The following PIP4K2C variants were observed in gnomAD, a reference collection of about 807,000 sequenced individuals.
PIP4K2C encodes phosphatidylinositol 5-phosphate 4-kinase type-2 gamma.
In PIP4K2C, 21 loss-of-function variants were observed where a neutral mutation model predicts 45.0. The ratio of observed to expected loss-of-function variants is 0.47; its 90% CI spans 0.33 to 0.67. The LOEUF (loss-of-function observed/expected upper bound fraction) is 0.67, where lower values mean the gene tolerates loss of function less well. Ranked by LOEUF, PIP4K2C falls within the 30% of genes least tolerant of loss-of-function variation. PIP4K2C has a pLI of 0.02. For synonymous variants in PIP4K2C, 201 were observed against 204.8 expected (o/e 0.98, Z 0.16); for missense variants, 456 against 542.8 (o/e 0.84, Z 1.59).
Position 57,594,118 on chromosome 12 carries a change from C to T in PIP4K2C, c.268C>T (p.His90Tyr). Residue 90 changes from histidine (H) to tyrosine (Y), a missense_variant, in exon 2 of 10, where the codon CAC becomes TAC. By Grantham distance (83) the His-to-Tyr change is moderately conservative. Coordinates refer to ENST00000354947, the MANE Select transcript of PIP4K2C (RefSeq NM_024779.5). ...GATCAAGGTCAACAATCACCTTTTC[C>T]ACAGGTAAGTGATGATCCTTGCCAT... ...SKIKVNNHLF[H>Y]RENLPSHFKF... 1 of 1,612,128 alleles carries T rather than the reference C, an allele frequency of 6.2e-7. No homozygotes were observed. Among genetic ancestry groups the T allele is most frequent in the Non-Finnish European group, 8.5e-7 (1 of 1,178,564 alleles).
At position 57,595,908 on chromosome 12, in the gene PIP4K2C, C is replaced by G. The variant is rs1274350002; in HGVS notation, c.390C>G (p.Pro130=). The change falls in exon 4 of 10, where the codon CCC becomes CCG. Residue 130 remains proline, a synonymous_variant. Transcript: ENST00000354947. ...CCCAGGTGTCCCTTACCCGAAACCC[C>G]CCCAGCGAAAGTGAAGGCAGTGATG... ...QDYLVSLTRN[P]PSESEGSDGR... The G allele has an allele frequency of 1.2e-6, 2 of 1,614,070 alleles. No individual in the cohort carries two copies. Among genetic ancestry groups the G allele is most frequent in the Admixed American group, 1.7e-5 (1 of 60,006 alleles).
rs1883406262 is a variant in PIP4K2C at position 57,600,943 on chromosome 12, A to C, written c.946A>C (p.Thr316Pro). The change falls in exon 8 of 10, where the codon ACT (threonine) becomes CCT (proline). Residue 316 changes from threonine (T) to proline (P), a missense_variant. Coordinates refer to ENST00000354947, the MANE Select transcript of PIP4K2C (RefSeq NM_024779.5). ...AGAGGTGGATGGGGACTGCAGCCTGACTGGACCTCCTGCTCTGGTGGGCTC... is the reference window on the plus strand; with the variant it reads ...AGAGGTGGATGGGGACTGCAGCCTGCCTGGACCTCCTGCTCTGGTGGGCTC... ...ESEVDGDCSL[T>P]GPPALVGSYG... 5.6e-6 allele frequency: 9 copies of C among 1,614,188 alleles called. No homozygotes were observed. The highest frequency in any genetic ancestry group is 7.6e-6 in the Non-Finnish European group (9 of 1,180,052).
chr12:57,601,304 G>A lies in PIP4K2C; in HGVS notation c.1141G>A (p.Ala381Thr), dbSNP rs751845732. 1 of 1,614,080 alleles carries A rather than the reference G, an allele frequency of 6.2e-7. No individual in the cohort carries two copies. Among genetic ancestry groups the A allele is most frequent in the Admixed American group, 1.7e-5 (1 of 60,024 alleles). The change falls in exon 9 of 10, where the codon GCT (alanine) becomes ACT (threonine). Residue 381 changes from alanine (A) to threonine (T), a missense_variant. Ala to Thr is a moderately conservative substitution (Grantham distance 58, BLOSUM62 0). Around this residue, in one of 2 missense-constraint regions of PIP4K2C, gnomAD observed 35 missense variants for 69.7 expected, o/e 0.50. Coordinates refer to ENST00000354947, the MANE Select transcript of PIP4K2C (RefSeq NM_024779.5). ...GLIDILTQYD[A>T]KKKAAHAAKT... The stretch of plus-strand genomic sequence containing the variant: ...CATTGATATCCTTACACAGTATGAT[G>A]CTAAGAAGAAAGCAGCTCATGCAGC...
In PIP4K2C at chr12:57,601,288, C is replaced by T; in HGVS notation, c.1125C>T (p.Ile375=). ...TCTACTTCATGGGCCTCATTGATAT[C>T]CTTACACAGTATGATGCTAAGAAGA... ...KEVYFMGLID[I]LTQYDAKKKA... is the part of the protein sequence containing the mutation. The change falls in exon 9 of 10, where the codon ATC becomes ATT. Residue 375 remains isoleucine (I), a synonymous_variant. Coordinates refer to ENST00000354947, the MANE Select transcript of PIP4K2C (RefSeq NM_024779.5). 6.2e-7 allele frequency: 1 copy of T among 1,614,120 alleles called. No individual in the cohort carries two copies. The highest frequency in any genetic ancestry group is 8.5e-7 in the Non-Finnish European group (1 of 1,179,968).
intron 7 of PIP4K2C, 106 bp from the exon 8 acceptor site, chr12:57,600,705 C>A: frequency 7.0e-7 from 1 of 1,428,628 alleles, no homozygotes; most frequent in Non-Finnish European, 9.6e-7. Flanking sequence ...AATTTTTATA[C>A]TTCCTTTCCC....
chr12:57,600,218 T>G, intron 6 of PIP4K2C, 106 bp from the exon 7 acceptor site: 1 of 626,222 alleles, frequency 1.6e-6, no homozygotes, highest in Non-Finnish European at 2.8e-6. Flanking sequence ...CAGTGTGGAG[T>G]TAGATGAGAT....
chr12:57,594,185 A>G (rs1883094786), intron 2 of PIP4K2C, 63 bp downstream of exon 2: 2 of 1,365,252 alleles, frequency 1.5e-6, no homozygotes, highest in South Asian at 2.7e-5. Context: ...AAATAATTTT[A>G]AAAGTTTCAG....
At chr12:57,592,253 C>T (rs1007494786) in intron 1 of PIP4K2C, among the ~76,000 whole-genome samples, 1 of 152,096 alleles carries the variant, frequency 6.6e-6, no homozygotes, top group African/African-American at 2.4e-5. Flanking sequence ...CCAAGGAGAC[C>T]TCCATCCCCT....
rs150846157 is a variant in PIP4K2C, at chr12:57,596,725, G to A, written c.513+694G>A. On this transcript the variant is annotated intron_variant, in intron 4 of 9. Coordinates refer to ENST00000354947, the MANE Select transcript of PIP4K2C (RefSeq NM_024779.5). Reference sequence around the variant, plus strand: ...GTAGGAGGTAAATGAAACATCTGTGGCCCTTACAGATCCCTTGGTCTGATG... The same window carrying A: ...GTAGGAGGTAAATGAAACATCTGTGACCCTTACAGATCCCTTGGTCTGATG... 1.0e-3 allele frequency among the ~76,000 whole-genome samples: 159 copies of A among 152,260 alleles called. 1 individual carries two copies. Among genetic ancestry groups the A allele is most frequent in the African/African-American group, 3.7e-3 (154 of 41,538 alleles).
chr12:57,599,274 C>T (rs1184387179), intron 5 of PIP4K2C, 63 bp downstream of exon 5: 32 of 1,604,514 alleles, frequency 2.0e-5, no homozygotes, highest in Non-Finnish European at 2.6e-5. Context: ...GGGGAAGACC[C>T]TGGGAGGTCT....
chr12:57,594,078 T>A lies in PIP4K2C; in HGVS notation c.228T>A (p.Phe76Leu). ...CGGTGATGCTGCTGCCAGATGACTT[T>A]AAGGCCAGCTCCAAGATCAAGGTCA... ...PPPVMLLPDD[F>L]KASSKIKVNN... The change falls in exon 2 of 10, where the codon TTT (phenylalanine) becomes TTA (leucine). Residue 76 changes from phenylalanine to leucine, a missense_variant. Phe to Leu is a conservative substitution (Grantham distance 22). This residue lies in a region of PIP4K2C where 421 missense variants were observed against 473.1 expected (regional missense o/e 0.89). Transcript: ENST00000354947. The A allele has an allele frequency of 6.2e-7, 1 of 1,614,094 alleles. No homozygotes were observed. Among genetic ancestry groups the A allele is most frequent in the Non-Finnish European group, 8.5e-7 (1 of 1,179,992 alleles).
rs770561724 is a variant in PIP4K2C at position 57,600,936 on chromosome 12, C to T, written c.939C>T (p.Cys313=). ...REDESEVDGD[C]SLTGPPALVG... Reference sequence around the variant, plus strand: ...ATGAGTCAGAGGTGGATGGGGACTGCAGCCTGACTGGACCTCCTGCTCTGG... The same window carrying T: ...ATGAGTCAGAGGTGGATGGGGACTGTAGCCTGACTGGACCTCCTGCTCTGG... The change falls in exon 8 of 10, where the codon TGC becomes TGT. Residue 313 remains cysteine, a synonymous_variant. Transcript: ENST00000354947. 4 of 1,614,068 alleles carry T rather than the reference C, an allele frequency of 2.5e-6. No homozygotes were observed. The highest frequency in any genetic ancestry group is 3.3e-5 in the Admixed American group (2 of 60,008).
At chr12:57,594,242 T>G in intron 2 of PIP4K2C, 120 bp downstream of exon 2, 1 of 779,800 alleles carries the variant, frequency 1.3e-6, no homozygotes, top group Non-Finnish European at 2.0e-6. Context: ...ATTAGTTTTG[T>G]GCAAGGAAAC....
Position 57,601,072 on chromosome 12 carries a change from G to A in PIP4K2C, c.1075G>A (p.Ala359Thr). The A allele has an allele frequency of 1.2e-6, 2 of 1,612,814 alleles. No homozygotes were observed. Among genetic ancestry groups the A allele is most frequent in the Non-Finnish European group, 1.7e-6 (2 of 1,179,514 alleles). ...SFIDVYAIRS[A>T]EGAPQKEVYF... Reference sequence around the variant, plus strand: ...CATTGATGTCTATGCCATCCGGAGTGCTGAAGGTGAGAGAACCGGGACAAT... The same window carrying A: ...CATTGATGTCTATGCCATCCGGAGTACTGAAGGTGAGAGAACCGGGACAAT... Residue 359 changes from alanine (A) to threonine (T), a missense_variant, in exon 8 of 10, where the codon GCT becomes ACT. Physicochemically the swap from Ala to Thr is moderately conservative, Grantham distance 58. Transcript: ENST00000354947.
At chr12:57,595,516 C>G (rs934938200) in intron 3 of PIP4K2C, among the ~76,000 whole-genome samples, 1 of 152,068 alleles carries the variant, frequency 6.6e-6, no homozygotes, top group African/African-American at 2.4e-5. Context: ...ACCATCCTGG[C>G]CAACATGGCA....
Position 57,592,225 on chromosome 12 carries a change from C to G in PIP4K2C, c.174+762C>G, listed in dbSNP as rs58060255. On this transcript the variant is annotated intron_variant, in intron 1 of 9. Transcript: ENST00000354947. ...TGAACTTTTGAAGCAGGAAACTGCT[C>G]TGGGAGTCAGGAGGAGGCCAAGGAG... Among the ~76,000 whole-genome samples the G allele has an allele frequency of 4.9e-3, 753 of 152,304 alleles. 7 individuals are homozygous for G. The highest frequency in any genetic ancestry group is 0.017 in the African/African-American group (711 of 41,560).
At chr12:57,599,617 G>A (rs1316653459) in intron 6 of PIP4K2C, among the ~76,000 whole-genome samples, 179 bp downstream of exon 6, 1 of 152,122 alleles carries the variant, frequency 6.6e-6, no homozygotes, top group African/African-American at 2.4e-5. Flanking sequence ...GTTTGGAAGG[G>A]GCAGTGGGAG....
intron 1 of PIP4K2C, among the ~76,000 whole-genome samples, chr12:57,592,446 A>G (rs1379190454): frequency 6.6e-6 from 1 of 152,220 alleles, no homozygotes; most frequent in Non-Finnish European, 1.5e-5. Context: ...GTTTTGTCAC[A>G]TTTTTAATTT....
At chr12:57,596,149 T>A in intron 4 of PIP4K2C, 118 bp downstream of exon 4, 1 of 1,276,620 alleles carries the variant, frequency 7.8e-7, no homozygotes, top group Non-Finnish European at 1.1e-6. Flanking sequence ...GAATCCATAA[T>A]CATATCCAGC....
Sources: allele counts gnomAD v4.1 joint callset (sites outside exome capture counted in the v4.1 genomes callset), GRCh38; gene constraint gnomAD v4.1.1; regional missense constraint gnomAD v4.1.1; transcripts MANE v1.5; gene names NCBI Gene and HGNC (gene_info 2026-07-23, HGNC 2026-07-21).